Variants in KAZN observed in about 807,000 individuals in gnomAD.
The protein encoded by KAZN is kazrin, periplakin interacting protein.
KAZN carries 40 observed loss-of-function variants against 87.4 expected under a neutral mutation model. The ratio of observed to expected loss-of-function variants is 0.46; its 90% CI spans 0.36 to 0.60. KAZN has a LOEUF of 0.60. Ranked by LOEUF, KAZN falls within the 20% of genes least tolerant of loss-of-function variation. The pLI is 0.00. For synonymous variants in KAZN, 466 were observed against 458.3 expected (o/e 1.02, Z -0.22); for missense variants, 898 against 1,073.9 (o/e 0.84, Z 2.29).
At chr1:13,934,377 C>T (rs1427235670) in intron 1 of KAZN, among the ~76,000 whole-genome samples, 1 of 152,152 alleles carries the variant, frequency 6.6e-6, no homozygotes, top group African/African-American at 2.4e-5. Context: ...AGGCCATAAG[C>T]ATAGATAAGC....
At position 14,895,450 on chromosome 1, in the gene KAZN, C is replaced by T. The variant is rs552389224; in HGVS notation, c.227-65234C>T. 3.9e-5 allele frequency among the ~76,000 whole-genome samples: 6 copies of T among 152,340 alleles called. No homozygotes were observed. The South Asian group carries it at 1.2e-3, about 32-fold the overall frequency. On this transcript the variant is annotated intron_variant, in intron 1 of 14. Transcript: ENST00000376030. ...CCCTCTCATTAACAGCGGCCCAATC[C>T]CACCCATGTCTCAGCAGCCCAAGCC...
intron 1 of KAZN, among the ~76,000 whole-genome samples, chr1:14,807,816 G>C (rs1390827538): frequency 6.6e-6 from 1 of 152,054 alleles, no homozygotes; most frequent in Non-Finnish European, 1.5e-5. Flanking sequence ...TGTATCTGTG[G>C]GCAAATCAGC....
At chr1:14,294,275 C>T (rs1653945461) in intron 2 of KAZN, among the ~76,000 whole-genome samples, 1 of 152,142 alleles carries the variant, frequency 6.6e-6, no homozygotes, top group African/African-American at 2.4e-5. Flanking sequence ...CCCTAGGCAT[C>T]GCAAAGCTGT....
chr1:14,931,101 G>A (rs1659761925), intron 1 of KAZN, among the ~76,000 whole-genome samples: 1 of 152,196 alleles, frequency 6.6e-6, no homozygotes, highest in African/African-American at 2.4e-5. Context: ...ACTCCAGGGT[G>A]TCACACAGGG....
chr1:14,231,518 A>G (rs1260877128), intron 2 of KAZN, among the ~76,000 whole-genome samples: 2 of 152,228 alleles, frequency 1.3e-5, no homozygotes, highest in Non-Finnish European at 2.9e-5. Flanking sequence ...AGAAAGAGCC[A>G]ATGACAGAAT....
At chr1:14,641,363 C>G (rs1680394683) in intron 1 of KAZN, among the ~76,000 whole-genome samples, 1 of 152,104 alleles carries the variant, frequency 6.6e-6, no homozygotes, top group Non-Finnish European at 1.5e-5. Context: ...AGATTTGGCC[C>G]AGGATGATGG....
At chr1:14,387,980 G>A (rs555912446) in intron 2 of KAZN, among the ~76,000 whole-genome samples, 1 of 152,318 alleles carries the variant, frequency 6.6e-6, no homozygotes, top group Non-Finnish European at 1.5e-5. Context: ...CGTGGGCGTA[G>A]GACCCTCCGA....
intron 1 of KAZN, among the ~76,000 whole-genome samples, chr1:14,736,303 A>ATT (rs1211603234): frequency 1.7e-5 from 2 of 114,834 alleles, no homozygotes; most frequent in African/African-American, 3.4e-5. Flanking sequence ...GTGTGTGTAT[A>ATT]TTTTTTTTTT....
chr1:14,414,484 C>T (rs1007155176), intron 2 of KAZN, among the ~76,000 whole-genome samples: 1 of 152,066 alleles, frequency 6.6e-6, no homozygotes, highest in African/African-American at 2.4e-5. Flanking sequence ...ACCAGGACCA[C>T]ATGCATCAAC....
intron 2 of KAZN, among the ~76,000 whole-genome samples, chr1:14,206,995 C>T (rs139956678): frequency 0.037 from 5,477 of 146,656 alleles, 158 homozygotes; most frequent in East Asian, 0.098. Context: ...TGGAGTTTCA[C>T]TCTTGTTGCC....
intron 1 of KAZN, among the ~76,000 whole-genome samples, chr1:14,050,177 CGCACATGTGTGTACACATATGT>C (rs1431952126): frequency 6.7e-6 from 1 of 149,544 alleles, no homozygotes; most frequent in African/African-American, 2.5e-5. Flanking sequence ...TGGGTGTGTG[CGCACATGTGTGTACACATATGT>C]GCACATGTGT....
intron 1 of KAZN, among the ~76,000 whole-genome samples, chr1:13,998,086 A>G (rs1203554048): frequency 6.6e-6 from 1 of 152,216 alleles, no homozygotes; most frequent in Non-Finnish European, 1.5e-5. Flanking sequence ...CATTCGTAAA[A>G]GAATTTTCAA....
In KAZN at chr1:14,379,475, C is replaced by T. The variant is rs182577682; in HGVS notation, c.249+198883C>T. Among the ~76,000 whole-genome samples, 11 of 152,158 alleles carry T rather than the reference C, an allele frequency of 7.2e-5. No homozygotes were observed. The South Asian group carries it at 1.0e-3, about 14-fold the overall frequency. On this transcript the variant is annotated intron_variant, in intron 2 of 16. Coordinates refer to the KAZN transcript ENST00000636203. ...ATTTCAGGCCTTGGCTCTTAGACAA[C>T]GTCTATGCACCTTCCCTGGGGCAGA...
intron 1 of KAZN, among the ~76,000 whole-genome samples, chr1:14,812,483 C>T (rs186758232): frequency 1.8e-4 from 28 of 152,188 alleles, no homozygotes; most frequent in Admixed American, 5.9e-4. Context: ...CTTTCTGTCC[C>T]GGATCACATT....
intron 1 of KAZN, among the ~76,000 whole-genome samples, chr1:14,915,999 T>C (rs531730957): frequency 1.3e-5 from 2 of 152,298 alleles, no homozygotes; most frequent in East Asian, 3.9e-4. Context: ...CCTCTCTGTG[T>C]CTGTTTCCTC....
chr1:14,705,283 T>C (rs776952764), intron 1 of KAZN, among the ~76,000 whole-genome samples: 13 of 152,140 alleles, frequency 8.5e-5, no homozygotes, highest in Admixed American at 2.0e-4. Context: ...CTTAATTACC[T>C]CTTTAAAGGC....
rs146024633 is a variant in KAZN at position 14,419,368 on chromosome 1, T to A, written c.250-179615T>A. On this transcript the variant is annotated intron_variant, in intron 2 of 16. Transcript: ENST00000636203. ...TTTCCACCCTGCCCGGCCATCCCCA[T>A]CTATCTCATTGCCTGGGAAGCCACC... Among the ~76,000 whole-genome samples, 7 of 152,238 alleles carry A rather than the reference T, an allele frequency of 4.6e-5. No homozygotes were observed. The East Asian group carries it at 1.4e-3, about 29-fold the overall frequency.
rs575275880 is a variant in KAZN, at chr1:14,367,199, A to C, written c.249+186607A>C. On this transcript the variant is annotated intron_variant, in intron 2 of 16. Transcript: ENST00000636203. Reference sequence around the variant, plus strand: ...AACTAAGATCACACCACTGCACTCCAGCCGAGGTGACAGAGCAAGACTCTT... The same window carrying C: ...AACTAAGATCACACCACTGCACTCCCGCCGAGGTGACAGAGCAAGACTCTT... Among the ~76,000 whole-genome samples, 105 of 152,334 alleles carry C rather than the reference A, an allele frequency of 6.9e-4. 4 individuals carry two copies. In the South Asian group the frequency reaches 0.021, roughly 31 times the overall value.
At chr1:14,661,425 T>G (rs1029419858) in intron 1 of KAZN, among the ~76,000 whole-genome samples, 5 of 152,164 alleles carry the variant, frequency 3.3e-5, no homozygotes, top group East Asian at 1.9e-4. Context: ...ATGGGCCAGA[T>G]AGTAACTATT....
Sources: allele counts gnomAD v4.1 joint callset (sites outside exome capture counted in the v4.1 genomes callset), GRCh38; gene constraint gnomAD v4.1.1; transcripts MANE v1.5; gene names NCBI Gene and HGNC (gene_info 2026-07-23, HGNC 2026-07-21).